The following ZBBX variants were observed in gnomAD, a reference collection of about 807,000 sequenced individuals.
ZBBX encodes the protein zinc finger B-box domain-containing protein 1.
ZBBX carries 101 observed loss-of-function variants against 108.5 expected under a neutral mutation model. That is an observed-to-expected ratio of 0.93 (90% CI 0.79 to 1.10). The LOEUF is 1.10. ZBBX is among the 50% of genes least tolerant of loss of function. ZBBX has a pLI of 0.00. For synonymous variants in ZBBX, 356 were observed against 323.4 expected, an observed-to-expected ratio of 1.10 and a Z score of -1.08; for missense variants, 1,009 against 941.4, an observed-to-expected ratio of 1.07 and a Z score of -0.94.
intron 6 of ZBBX, among the ~76,000 whole-genome samples, chr3:167,365,209 A>G (rs1745151674): frequency 6.6e-6 from 1 of 151,818 alleles, no homozygotes; most frequent in East Asian, 1.9e-4. Flanking sequence ...GTAGATTCCA[A>G]CTGACCCAAT....
intron 2 of ZBBX, among the ~76,000 whole-genome samples, chr3:167,376,769 T>C (rs1393206217): frequency 6.6e-6 from 1 of 152,176 alleles, no homozygotes; most frequent in Admixed American, 6.5e-5. Context: ...ACATATTTTA[T>C]CTAGTCACCT....
At position 167,298,332 on chromosome 3, in the gene ZBBX, T is replaced by C; in HGVS notation, c.1852A>G (p.Asn618Asp). The C allele has an allele frequency of 6.3e-7, 1 of 1,598,262 alleles. No individual in the cohort carries two copies. Among genetic ancestry groups the C allele is most frequent in the South Asian group, 1.2e-5 (1 of 86,514 alleles). The change falls in exon 18 of 22, where the codon AAT (asparagine) becomes GAT (aspartate). Residue 618 changes from asparagine (N) to aspartate (D), a missense_variant. By Grantham distance (23) the Asn-to-Asp change is conservative. Coordinates refer to ENST00000675490, the MANE Select transcript of ZBBX (RefSeq NM_001199201.2). ...GCAAGTGTAATCCTAGTACTGGAAT[T>C]GTTGCATTCTAAACGATGAGAAGGA... Reference protein sequence around the residue: ...LLPSHRLECNNSSTRITLAED... With the variant: ...LLPSHRLECNDSSTRITLAED...
intron 18 of ZBBX, among the ~76,000 whole-genome samples, chr3:167,291,638 C>G (rs1730708127): frequency 6.6e-6 from 1 of 152,146 alleles, no homozygotes; most frequent in African/African-American, 2.4e-5. Context: ...TATGAAGAAA[C>G]TGCATCCACT....
rs1481198294 is a variant in ZBBX, at chr3:167,279,620, T to A, written c.2254+2618A>T. Among the ~76,000 whole-genome samples, 21 of 151,758 alleles carry A rather than the reference T, an allele frequency of 1.4e-4. No individual in the cohort carries two copies. In the South Asian group the frequency reaches 1.7e-3, roughly 12 times the overall value. ...AGAGGATACAAACAAATGGAAGAAC[T>A]TTCCATGCTCATGGGTAGGAAGAAT... On this transcript the variant is annotated intron_variant, in intron 20 of 21. Coordinates refer to ENST00000675490, the MANE Select transcript of ZBBX (RefSeq NM_001199201.2).
At chr3:167,364,406 T>C (rs570241062) in intron 6 of ZBBX, among the ~76,000 whole-genome samples, 5 of 152,130 alleles carry the variant, frequency 3.3e-5, no homozygotes, top group African/African-American at 1.2e-4. Flanking sequence ...TTTACTTTCG[T>C]CCTTATAACA....
chr3:167,403,049 G>C (rs2108644335), intron 1 of ZBBX, among the ~76,000 whole-genome samples: 1 of 152,258 alleles, frequency 6.6e-6, no homozygotes, highest in African/African-American at 2.4e-5. Flanking sequence ...TGACTGAAAA[G>C]TTTCCTTATA....
At chr3:167,373,135 A>G (rs1746412156) in intron 3 of ZBBX, 185 bp from the exon 4 acceptor site, 1 of 411,024 alleles carries the variant, frequency 2.4e-6, no homozygotes, top group African/African-American at 2.0e-5. Flanking sequence ...TATCAACCAG[A>G]TAATCAAAAA....
chr3:167,339,523 A>G (rs1011993214), intron 9 of ZBBX, among the ~76,000 whole-genome samples: 4 of 152,160 alleles, frequency 2.6e-5, no homozygotes, highest in Admixed American at 2.0e-4. Context: ...TGTTTTAACT[A>G]GGATTTGTTA....
chr3:167,381,506 G>A (rs1403226420), upstream of ZBBX, among the ~76,000 whole-genome samples: 1 of 152,202 alleles, frequency 6.6e-6, no homozygotes, highest in African/African-American at 2.4e-5. Context: ...TGGTGCTGGT[G>A]TGGCTATGAT....
chr3:167,191,932 T>TAGAGAGAG, the ZBBX span, among the ~76,000 whole-genome samples: 83 of 128,042 alleles, frequency 6.5e-4, 3 homozygotes, highest in African/African-American at 2.6e-3. Context: ...TATATATATA[T>TAGAGAGAG]ATAGAGCAAG....
chr3:167,360,598 T>C, intron 7 of ZBBX, 77 bp downstream of exon 7: 1 of 886,610 alleles, frequency 1.1e-6, no homozygotes. Context: ...ATTCTAAAAC[T>C]TTAACTTTAT....
At chr3:167,350,211 G>T (rs546004722) in intron 9 of ZBBX, among the ~76,000 whole-genome samples, 1 of 151,794 alleles carries the variant, frequency 6.6e-6, no homozygotes, top group Non-Finnish European at 1.5e-5. Context: ...CTGCAACTAC[G>T]TTAAAACAGT....
the ZBBX span, among the ~76,000 whole-genome samples, chr3:167,214,782 C>A: frequency 1.3e-5 from 2 of 152,082 alleles, no homozygotes. Context: ...AAAATCATAG[C>A]AAACACAATC....
chr3:167,178,580 TC>T, the ZBBX span, among the ~76,000 whole-genome samples: 1 of 152,160 alleles, frequency 6.6e-6, no homozygotes, highest in African/African-American at 2.4e-5. Context: ...TCCCAGAATC[TC>T]TTCTTCGGCA....
At chr3:167,235,637 T>C (rs1453575489), downstream of ZBBX, among the ~76,000 whole-genome samples, 1 of 151,646 alleles carries the variant, frequency 6.6e-6, no homozygotes, top group Non-Finnish European at 1.5e-5. Context: ...ACTGTTACTA[T>C]ACATTTGAAG....
rs537542130 is a variant in ZBBX, at chr3:167,385,828, G to A, written c.-445-5423C>T. Among the ~76,000 whole-genome samples the A allele has an allele frequency of 3.9e-5, 6 of 152,082 alleles. No homozygotes were observed. The East Asian group carries it at 9.7e-4, about 25-fold the overall frequency. On this transcript the variant is annotated intron_variant, in intron 1 of 21. Transcript: ENST00000455345. ...GGGCCACCATTGTATATGTCATCCCGTCACTGACTGAAACTTACATGGTGC... is the reference window on the plus strand; with the variant it reads ...GGGCCACCATTGTATATGTCATCCCATCACTGACTGAAACTTACATGGTGC...
At chr3:167,233,229 T>G in the ZBBX span, among the ~76,000 whole-genome samples, 1 of 151,836 alleles carries the variant, frequency 6.6e-6, no homozygotes, top group Non-Finnish European at 1.5e-5. Flanking sequence ...TGGCAACAAT[T>G]GTTTGGAACT....
chr3:167,279,199 G>A (rs1052763684), intron 20 of ZBBX, among the ~76,000 whole-genome samples: 1 of 151,998 alleles, frequency 6.6e-6, no homozygotes, highest in African/African-American at 2.4e-5. Context: ...ACAAGACAGG[G>A]ATTCTGTCAC....
the ZBBX span, among the ~76,000 whole-genome samples, chr3:167,212,207 A>G: frequency 6.6e-6 from 1 of 152,062 alleles, no homozygotes; most frequent in South Asian, 2.1e-4. Context: ...GTGACTAAGG[A>G]CTGGAGGTGG....
Sources: gnomAD v4.1 joint callset for allele counts (sites outside exome capture counted in the v4.1 genomes callset) on GRCh38, gnomAD v4.1.1 for gene constraint, MANE v1.5 for transcripts, NCBI Gene and HGNC (gene_info 2026-07-23, HGNC 2026-07-21) for gene names.